Variants in SLC12A3 observed in about 807,000 individuals in gnomAD.
SLC12A3 encodes the protein Na-Cl cotransporter.
In SLC12A3, 104 loss-of-function variants were observed where a neutral mutation model predicts 121.0. That is an observed-to-expected ratio of 0.86 (90% CI 0.73 to 1.01). The LOEUF (loss-of-function observed/expected upper bound fraction) is 1.01, where lower values mean the gene tolerates loss of function less well. SLC12A3 is among the 50% of genes least tolerant of loss of function. SLC12A3 has a pLI of 0.00. For synonymous variants in SLC12A3, 536 were observed against 533.4 expected (o/e 1.00, Z -0.07); for missense variants, 1,328 against 1,356.3 (o/e 0.98, Z 0.33).
chr16:56,878,910 TATC>T (rs2055199739), intron 9 of SLC12A3, among the ~76,000 whole-genome samples, 160 bp from the exon 10 acceptor site: 1 of 152,190 alleles, frequency 6.6e-6, no homozygotes, highest in African/African-American at 2.4e-5. Flanking sequence ...GTAAAGTACT[TATC>T]ATGGCTCCGG....
chr16:56,870,952 A>G (rs2055088087), intron 6 of SLC12A3, among the ~76,000 whole-genome samples: 1 of 151,574 alleles, frequency 6.6e-6, no homozygotes, highest in African/African-American at 2.4e-5. Flanking sequence ...CTCCTGCCTC[A>G]GCCTCCCGAG....
In SLC12A3 at chr16:56,887,165, G is replaced by A; in HGVS notation, c.2178+72G>A. ...ACAACCTGGAAGGCAGAAAGTCTTG[G>A]CGGCCCCTTTGCTTAAGCCCCTTTT... is the stretch of plus-strand genomic sequence containing the variant. On this transcript the variant is annotated intron_variant, in intron 17 of 25. Coordinates refer to ENST00000563236, the MANE Select transcript of SLC12A3 (RefSeq NM_001126108.2). 3.1e-6 allele frequency: 5 copies of A among 1,604,526 alleles called. No homozygotes were observed. The Admixed American group carries it at 6.7e-5, about 21-fold the overall frequency.
chr16:56,883,942 C>A, intron 13 of SLC12A3, 107 bp from the exon 14 acceptor site: 1 of 1,294,896 alleles, frequency 7.7e-7, no homozygotes, highest in South Asian at 1.3e-5. Context: ...GGCTGGGACC[C>A]CGGCTCTGGG....
chr16:56,906,777 G>T, intron 25 of SLC12A3: 1 of 757,186 alleles, frequency 1.3e-6, no homozygotes, highest in Non-Finnish European at 2.2e-6. Context: ...CTTGGATTAT[G>T]CAAAGAAAAG....
intron 14 of SLC12A3, among the ~76,000 whole-genome samples, chr16:56,884,744 C>T (rs2055287985): frequency 1.3e-5 from 2 of 152,136 alleles, no homozygotes; most frequent in African/African-American, 2.4e-5. Flanking sequence ...AGGAGGATAT[C>T]GTGTGGAGCT....
At chr16:56,876,478 G>A (rs918583720) in intron 8 of SLC12A3, among the ~76,000 whole-genome samples, 1 of 152,206 alleles carries the variant, frequency 6.6e-6, no homozygotes, top group Non-Finnish European at 1.5e-5. Flanking sequence ...GCCTGCAGGG[G>A]CCCTGCAGAG....
chr16:56,872,816 C>G, intron 8 of SLC12A3, 30 bp downstream of exon 8: 1 of 1,613,560 alleles, frequency 6.2e-7, no homozygotes, highest in Non-Finnish European at 8.5e-7. Context: ...CTCCTGTGTC[C>G]TGGCACTGCA....
At chr16:56,872,962 GGTT>G (rs1371888886) in intron 8 of SLC12A3, among the ~76,000 whole-genome samples, 176 bp downstream of exon 8, 1 of 152,260 alleles carries the variant, frequency 6.6e-6, no homozygotes, top group Non-Finnish European at 1.5e-5. Context: ...TCCGTTCTGA[GGTT>G]GTTTATGAAG....
rs1323955891 is a variant in SLC12A3 at position 56,884,112 on chromosome 16, T to C, written c.1733T>C (p.Val578Ala). The C allele has an allele frequency of 6.2e-7, 1 of 1,614,224 alleles. No homozygotes were observed. Among genetic ancestry groups the C allele is most frequent in the Non-Finnish European group, 8.5e-7 (1 of 1,180,026 alleles). The change falls in exon 14 of 26, where the codon GTG becomes GCG. Residue 578 changes from valine (V) to alanine (A), a missense_variant. Coordinates refer to ENST00000563236, the MANE Select transcript of SLC12A3 (RefSeq NM_001126108.2). ...GCGCTGTTTGGGGCTATCATCTCCG[T>C]GGTCATCATGTTCCTCCTCACCTGG... Reference protein sequence around the residue: ...WAALFGAIISVVIMFLLTWWA... With the variant: ...WAALFGAIISAVIMFLLTWWA...
chr16:56,910,522 G>A (rs1321879147), intron 25 of SLC12A3, among the ~76,000 whole-genome samples: 1 of 151,966 alleles, frequency 6.6e-6, no homozygotes, highest in Non-Finnish European at 1.5e-5. Context: ...ATTTTTTTAT[G>A]GAGACAGGGT....
At chr16:56,890,440 A>G (rs1293177983) in intron 19 of SLC12A3, 84 bp downstream of exon 19, 2 of 1,126,470 alleles carry the variant, frequency 1.8e-6, no homozygotes, top group Non-Finnish European at 2.7e-6. Context: ...TGAGTAAGAA[A>G]TAAAAGGTTA....
chr16:56,865,502 G>C lies in SLC12A3; in HGVS notation c.267G>C (p.Leu89=). The C allele has an allele frequency of 6.2e-7, 1 of 1,612,728 alleles. No homozygotes were observed. The highest frequency in any genetic ancestry group is 1.7e-5 in the Admixed American group (1 of 60,024). ...PRKVRPTLAD[L]HSFLKQEGRH... The stretch of plus-strand genomic sequence containing the variant: ...AGGTCCGGCCCACACTGGCTGACCT[G>C]CACTCCTTCCTCAAGGTAAGTGCTG... The change falls in exon 1 of 26, where the codon CTG becomes CTC. Residue 89 remains leucine (L), a synonymous_variant. Transcript: ENST00000563236.
At chr16:56,881,685 G>T (rs2055242148) in intron 12 of SLC12A3, among the ~76,000 whole-genome samples, 1 of 152,108 alleles carries the variant, frequency 6.6e-6, no homozygotes, top group African/African-American at 2.4e-5. Context: ...CAGTTCTTGG[G>T]TGGGTTACCA....
chr16:56,909,194 C>T lies in SLC12A3; in HGVS notation c.2925-4070C>T, dbSNP rs375506741. Among the ~76,000 whole-genome samples, 44 of 151,992 alleles carry T rather than the reference C, an allele frequency of 2.9e-4. No homozygotes were observed. In the East Asian group the frequency reaches 2.9e-3, roughly 10 times the overall value. On this transcript the variant is annotated intron_variant, in intron 25 of 25. Transcript: ENST00000563236. ...TGAGTCTCAGCTGGGCATAGTGGCT[C>T]ATGCCTGTAATCCCAGCACTTTGGG...
chr16:56,903,802 C>G (rs1226564274), intron 24 of SLC12A3, among the ~76,000 whole-genome samples: 12 of 152,230 alleles, frequency 7.9e-5, no homozygotes, highest in Admixed American at 7.2e-4. Flanking sequence ...GCCCCGAGAC[C>G]CTGCCCCAAA....
At chr16:56,910,503 GT>G (rs1355438449) in intron 25 of SLC12A3, among the ~76,000 whole-genome samples, 1 of 151,886 alleles carries the variant, frequency 6.6e-6, no homozygotes, top group African/African-American at 2.4e-5. Context: ...GGCCTGGCTA[GT>G]TTTTTGTATT....
At chr16:56,906,584 A>T (rs1339346942) in intron 25 of SLC12A3, 3 of 298,850 alleles carry the variant, frequency 1.0e-5, no homozygotes, top group Non-Finnish European at 1.9e-5. Context: ...CCAACTGACT[A>T]CTTCAGAGGA....
rs539018888 is a variant in SLC12A3 at position 56,868,993 on chromosome 16, A to T, written c.505+621A>T. On this transcript the variant is annotated intron_variant, in intron 3 of 25. Transcript: ENST00000563236. ...CATCTCAAAAAAAATAAAAAATAAA[A>T]AAGAAAGCTGCATTCTGGACAGAAC... Among the ~76,000 whole-genome samples, 6 of 152,022 alleles carry T rather than the reference A, an allele frequency of 3.9e-5. No homozygotes were observed. In the South Asian group the frequency reaches 1.2e-3, roughly 32 times the overall value.
At chr16:56,908,246 C>T (rs1045180715) in intron 25 of SLC12A3, among the ~76,000 whole-genome samples, 1 of 147,374 alleles carries the variant, frequency 6.8e-6, no homozygotes, top group Non-Finnish European at 1.5e-5. Flanking sequence ...CTGCAACCTC[C>T]GCCTCCTGGG....
Sources: allele counts gnomAD v4.1 joint callset (sites outside exome capture counted in the v4.1 genomes callset), GRCh38; gene constraint gnomAD v4.1.1; transcripts MANE v1.5; gene names NCBI Gene and HGNC (gene_info 2026-07-23, HGNC 2026-07-21).